EPB41L4A: variants seen among roughly 807,000 people sequenced by gnomAD.
EPB41L4A encodes the protein erythrocyte membrane protein band 4.1 like 4A.
Under a neutral mutation model 108.6 loss-of-function variants are expected in EPB41L4A, and 100 were observed. That is an observed-to-expected ratio of 0.92 (90% confidence interval 0.78 to 1.09). The LOEUF (loss-of-function observed/expected upper bound fraction) is 1.09. EPB41L4A is among the 50% of genes least tolerant of loss of function. The pLI is 0.00. For synonymous variants in EPB41L4A, 319 were observed against 289.0 expected (o/e 1.10, Z -1.05); for missense variants, 1,030 against 842.7 (o/e 1.22, Z -2.75).
rs150506567 is a variant in EPB41L4A, at chr5:112,163,184, G to C, written c.*1806C>G. Reference sequence around the variant, plus strand: ...TGGACTAGTAAAATTAGTGAAATAAGATCGTTTATAGTTGGATGACAGAGC... The same window carrying C: ...TGGACTAGTAAAATTAGTGAAATAACATCGTTTATAGTTGGATGACAGAGC... On this transcript the variant is annotated 3_prime_UTR_variant, in exon 23 of 23. Transcript: ENST00000261486. 2.3e-3 allele frequency: 345 copies of C among 152,334 alleles called. 1 individual carries two copies. The highest frequency in any genetic ancestry group is 7.8e-3 in the African/African-American group (323 of 41,574). The allele number at this position is 152,334 out of a possible 1,614,324, so 9.4% of individuals were successfully genotyped here. A position where few individuals can be genotyped will look rare whatever the true frequency, so the allele number is the denominator to read the frequency against.
At chr5:112,284,021 T>C (rs1376690459) in intron 2 of EPB41L4A, among the ~76,000 whole-genome samples, 1 of 152,228 alleles carries the variant, frequency 6.6e-6, no homozygotes, top group Non-Finnish European at 1.5e-5. Context: ...CAACTGCTCT[T>C]AAAGCAAGTG....
intron 1 of EPB41L4A, among the ~76,000 whole-genome samples, chr5:112,373,057 T>C (rs1272560908): frequency 1.3e-5 from 2 of 152,212 alleles, no homozygotes; most frequent in African/African-American, 2.4e-5. Flanking sequence ...TTCTTAAAAA[T>C]GTATTCAGAT....
chr5:112,314,538 A>AAAAAG (rs1561563700), intron 1 of EPB41L4A, among the ~76,000 whole-genome samples: 6 of 111,328 alleles, frequency 5.4e-5, no homozygotes, highest in African/African-American at 2.2e-4. Context: ...AAAAAAAAAA[A>AAAAAG]GAAAAGAAAT....
chr5:112,315,357 C>T (rs1355001738), intron 1 of EPB41L4A, among the ~76,000 whole-genome samples: 1 of 152,196 alleles, frequency 6.6e-6, no homozygotes, highest in Non-Finnish European at 1.5e-5. Context: ...GAGTATCACA[C>T]ACCACTTACT....
At chr5:112,319,141 C>T (rs926246416) in intron 1 of EPB41L4A, among the ~76,000 whole-genome samples, 3 of 152,112 alleles carry the variant, frequency 2.0e-5, no homozygotes, top group Non-Finnish European at 4.4e-5. Context: ...CCTGAAATAA[C>T]TTACTGCACC....
chr5:112,236,363 T>C lies in EPB41L4A; in HGVS notation c.966-1608A>G, dbSNP rs192180302. On this transcript the variant is annotated intron_variant, in intron 11 of 22. Transcript: ENST00000261486. ...GGAGAAGGAACAGCACATGTAGCTG[T>C]TGGGTTTGAAGTTGCAAGCCCTGTT... 3.6e-3 allele frequency among the ~76,000 whole-genome samples: 552 copies of C among 152,310 alleles called. 7 individuals are homozygous for C. The highest frequency in any genetic ancestry group is 0.013 in the African/African-American group (525 of 41,560).
rs560949022 is a variant in EPB41L4A, at chr5:112,209,467, C to T, written c.1178+425G>A. The stretch of plus-strand genomic sequence containing the variant: ...TCACTGACTTCTGAGGATCTGATGC[C>T]TCTAAATGCCATAAACCCTCTTTCC... On this transcript the variant is annotated intron_variant, in intron 13 of 22. Transcript: ENST00000261486. Among the ~76,000 whole-genome samples, 5 of 152,322 alleles carry T rather than the reference C, an allele frequency of 3.3e-5. No homozygotes were observed. In the East Asian group the frequency reaches 9.6e-4, roughly 29 times the overall value.
At chr5:112,194,950 G>A (rs547697701) in intron 16 of EPB41L4A, among the ~76,000 whole-genome samples, 1 of 152,306 alleles carries the variant, frequency 6.6e-6, no homozygotes, top group East Asian at 1.9e-4. Flanking sequence ...ACATGGCAAA[G>A]CCGTAAGTCG....
chr5:112,348,468 G>T (rs558299511), intron 1 of EPB41L4A, among the ~76,000 whole-genome samples: 12 of 152,232 alleles, frequency 7.9e-5, no homozygotes, highest in Non-Finnish European at 1.2e-4. Context: ...TAGAAAGTTC[G>T]ATTTTAAAAC....
chr5:112,175,190 C>T (rs752169407), intron 18 of EPB41L4A: 43 of 152,218 alleles, frequency 2.8e-4, no homozygotes, highest in Non-Finnish European at 5.4e-4. Flanking sequence ...AGAGGGAGCC[C>T]GAACCTTCTC....
downstream of EPB41L4A, chr5:112,161,219 ATAACT>A (rs1561436427): frequency 1.4e-5 from 4 of 278,016 alleles, no homozygotes; most frequent in Non-Finnish European, 2.2e-5. Context: ...CCCGTATAAA[ATAACT>A]TAAAAGCAGC....
At chr5:112,368,096 C>T (rs930419182) in intron 1 of EPB41L4A, among the ~76,000 whole-genome samples, 1 of 152,128 alleles carries the variant, frequency 6.6e-6, no homozygotes, top group Non-Finnish European at 1.5e-5. Context: ...ACAAAATAAT[C>T]GAAATGCAGC....
chr5:112,223,252 T>C lies in EPB41L4A; in HGVS notation c.1087+11382A>G, dbSNP rs141049806. On this transcript the variant is annotated intron_variant, in intron 12 of 22. Transcript: ENST00000261486. ...ACCGTGCCCGACCGAAAGTAGTTTC[T>C]TTCTTCTTTACCTCACCTATCTCTC... Among the ~76,000 whole-genome samples the C allele has an allele frequency of 7.5e-3, 1,135 of 152,248 alleles. 13 individuals carry two copies. Among genetic ancestry groups the C allele is most frequent in the African/African-American group, 0.026 (1,085 of 41,542 alleles).
intron 1 of EPB41L4A, among the ~76,000 whole-genome samples, chr5:112,378,644 G>A (rs1450205308): frequency 6.6e-6 from 1 of 152,176 alleles, no homozygotes; most frequent in Non-Finnish European, 1.5e-5. Context: ...AGAAGACAGG[G>A]AAACTCCAGA....
At chr5:112,170,154 T>C in intron 20 of EPB41L4A, 147 bp downstream of exon 20, 1 of 728,132 alleles carries the variant, frequency 1.4e-6, no homozygotes, top group Non-Finnish European at 2.3e-6. Flanking sequence ...AATGCACACT[T>C]TTCTTCCTCT....
intron 1 of EPB41L4A, among the ~76,000 whole-genome samples, chr5:112,389,382 C>T (rs1760780493): frequency 6.6e-6 from 1 of 152,186 alleles, no homozygotes; most frequent in Non-Finnish European, 1.5e-5. Context: ...TCAAAACAGA[C>T]TCATCCATGC....
At chr5:112,377,009 AC>A (rs1337308158) in intron 1 of EPB41L4A, among the ~76,000 whole-genome samples, 1 of 151,920 alleles carries the variant, frequency 6.6e-6, no homozygotes, top group Non-Finnish European at 1.5e-5. Context: ...TTGAAGACCA[AC>A]CTAGGCAACA....
intron 3 of EPB41L4A, among the ~76,000 whole-genome samples, chr5:112,276,745 A>AT (rs1248919393): frequency 3.3e-5 from 5 of 152,212 alleles, no homozygotes; most frequent in Admixed American, 2.0e-4. Flanking sequence ...TAAAGGTATC[A>AT]TGTATTTATA....
At chr5:112,203,787 A>T (rs1188477096) in intron 15 of EPB41L4A, among the ~76,000 whole-genome samples, 2 of 152,142 alleles carry the variant, frequency 1.3e-5, no homozygotes, top group Non-Finnish European at 2.9e-5. Context: ...TACACCTGTA[A>T]TCCCAGCACT....
Sources: gnomAD v4.1 joint callset for allele counts (sites outside exome capture counted in the v4.1 genomes callset) on GRCh38, gnomAD v4.1.1 for gene constraint, MANE v1.5 for transcripts, NCBI Gene and HGNC (gene_info 2026-07-23, HGNC 2026-07-21) for gene names.